The following FBXL7 variants were observed in gnomAD, a reference collection of about 807,000 sequenced individuals.
The protein encoded by FBXL7 is F-box/LRR-repeat protein 7.
A neutral mutation model predicts 38.3 loss-of-function variants in FBXL7; 12 were observed. The ratio of observed to expected loss-of-function variants is 0.31; its 90% confidence interval spans 0.20 to 0.51. The LOEUF is 0.51. FBXL7 is among the 20% of genes least tolerant of loss of function. FBXL7 has a pLI of 0.98. For missense variants in FBXL7, 567 were observed against 676.4 expected, an observed-to-expected ratio of 0.84 and a Z score of 1.79; for synonymous variants, 297 against 300.9, an observed-to-expected ratio of 0.99 and a Z score of 0.13.
intron 2 of FBXL7, among the ~76,000 whole-genome samples, chr5:15,787,547 A>G (rs1287090540): frequency 1.3e-5 from 2 of 152,200 alleles, no homozygotes; most frequent in African/African-American, 4.8e-5. Flanking sequence ...ACAAAGTCTA[A>G]TATCACAAGA....
intron 2 of FBXL7, among the ~76,000 whole-genome samples, chr5:15,852,565 T>C (rs554605116): frequency 7.9e-5 from 12 of 152,114 alleles, no homozygotes; most frequent in Non-Finnish European, 1.3e-4. Flanking sequence ...AAAACTATAA[T>C]AGAATACCGT....
intron 1 of FBXL7, among the ~76,000 whole-genome samples, chr5:15,517,082 A>C (rs1369429763): frequency 6.6e-6 from 1 of 151,596 alleles, no homozygotes; most frequent in East Asian, 2.0e-4. Context: ...GCTGGAGTGC[A>C]GTGGCGGGAT....
chr5:15,824,828 T>G (rs1381009398), intron 2 of FBXL7, among the ~76,000 whole-genome samples: 1 of 152,178 alleles, frequency 6.6e-6, no homozygotes, highest in East Asian at 1.9e-4. Flanking sequence ...TGAAAGCTGT[T>G]TCCTGAATCA....
At chr5:15,694,792 A>G (rs192263113) in intron 2 of FBXL7, among the ~76,000 whole-genome samples, 45 of 152,298 alleles carry the variant, frequency 3.0e-4, no homozygotes, top group Admixed American at 7.8e-4. Context: ...GAGTGGAAAA[A>G]AACAAAAAGC....
intron 2 of FBXL7, among the ~76,000 whole-genome samples, chr5:15,737,242 T>G (rs554403197): frequency 1.3e-5 from 2 of 152,196 alleles, no homozygotes; most frequent in African/African-American, 4.8e-5. Flanking sequence ...CTGTTACAGC[T>G]AATGGTTTCC....
rs199980981 is a variant in FBXL7 at position 15,641,941 on chromosome 5, TTGTGTGTGTGTGTGTGTGTGTGTG to T, written c.127+25891_127+25914del. Among the ~76,000 whole-genome samples the T allele has an allele frequency of 7.1e-5, 10 of 141,616 alleles. No individual in the cohort carries two copies. The East Asian group carries it at 1.0e-3, about 15-fold the overall frequency. The allele number at this position is 141,616 out of a possible 152,430, so 92.9% of individuals were successfully genotyped here. On this transcript the variant is annotated intron_variant, in intron 2 of 3. Coordinates refer to ENST00000504595, the MANE Select transcript of FBXL7 (RefSeq NM_012304.5). ...GTATATGGTAACTTAACATAAAACC[TTGTGTGTGTGTGTGTGTGTGTGTG>T]TGTGTGTGTGTGTGTGTGTGTCCTA...
At chr5:15,503,537 A>G (rs1477953218) in intron 1 of FBXL7, among the ~76,000 whole-genome samples, 2 of 152,236 alleles carry the variant, frequency 1.3e-5, no homozygotes, top group African/African-American at 4.8e-5. Flanking sequence ...AAATAAGGCA[A>G]ACGCCAGCCT....
chr5:15,638,462 C>G (rs568544384), intron 2 of FBXL7, among the ~76,000 whole-genome samples: 1 of 152,312 alleles, frequency 6.6e-6, no homozygotes, highest in East Asian at 1.9e-4. Flanking sequence ...CTAGGCCTGT[C>G]TAATGAGAAT....
intron 1 of FBXL7, among the ~76,000 whole-genome samples, chr5:15,594,337 G>C (rs1466734141): frequency 1.3e-5 from 2 of 152,248 alleles, no homozygotes; most frequent in African/African-American, 4.8e-5. Context: ...AAAGAAAACA[G>C]TTGAAAAGGT....
At chr5:15,888,955 G>T (rs373112409) in intron 2 of FBXL7, among the ~76,000 whole-genome samples, 4 of 152,270 alleles carry the variant, frequency 2.6e-5, no homozygotes, top group East Asian at 1.9e-4. Context: ...AAGTAGAGCT[G>T]TATTATCCTT....
chr5:15,869,867 T>G (rs1188897959), intron 2 of FBXL7, among the ~76,000 whole-genome samples: 8 of 152,116 alleles, frequency 5.3e-5, no homozygotes. Context: ...CCCAATACTT[T>G]GGGAGGCTGA....
intron 1 of FBXL7, among the ~76,000 whole-genome samples, chr5:15,526,521 G>T (rs956972796): frequency 2.0e-5 from 3 of 152,158 alleles, no homozygotes; most frequent in African/African-American, 7.2e-5. Flanking sequence ...CATTTAATCA[G>T]TGTAAAACAG....
intron 1 of FBXL7, among the ~76,000 whole-genome samples, chr5:15,548,550 G>T (rs75837824): frequency 6.6e-6 from 1 of 152,216 alleles, no homozygotes; most frequent in East Asian, 1.9e-4. Context: ...ATAAAATGGG[G>T]ACAAAAATGG....
At chr5:15,566,186 G>A (rs1366651) in intron 1 of FBXL7, among the ~76,000 whole-genome samples, 76,565 of 151,850 alleles carry the variant, frequency 0.5, 19,741 homozygotes, top group African/African-American at 0.59. Context: ...ACACTTTTAG[G>A]TTTTAGAGAG....
At chr5:15,893,089 C>T (rs533173653) in intron 2 of FBXL7, among the ~76,000 whole-genome samples, 6 of 149,792 alleles carry the variant, frequency 4.0e-5, no homozygotes, top group African/African-American at 1.5e-4. Flanking sequence ...GCACTCCAGC[C>T]TGGGTGACAG....
intron 1 of FBXL7, among the ~76,000 whole-genome samples, chr5:15,573,073 A>G (rs1233073802): frequency 6.6e-6 from 1 of 152,178 alleles, no homozygotes; most frequent in Non-Finnish European, 1.5e-5. Flanking sequence ...CCTTCCCCCA[A>G]AATTGTGTCC....
intron 1 of FBXL7, among the ~76,000 whole-genome samples, chr5:15,561,169 T>G (rs1580371713): frequency 6.6e-6 from 1 of 152,196 alleles, no homozygotes. Context: ...TGTGGTTAGA[T>G]CTCTAGACTT....
At chr5:15,814,485 T>C (rs896386816) in intron 2 of FBXL7, among the ~76,000 whole-genome samples, 19 of 152,024 alleles carry the variant, frequency 1.2e-4, no homozygotes, top group Admixed American at 9.8e-4. Flanking sequence ...AAAATATGGG[T>C]CGATGGGTGC....
At chr5:15,592,597 C>T (rs1189585637) in intron 1 of FBXL7, among the ~76,000 whole-genome samples, 4 of 152,128 alleles carry the variant, frequency 2.6e-5, no homozygotes, top group Non-Finnish European at 5.9e-5. Context: ...CTGACAGCCT[C>T]ATGGAAATGT....
Sources: gnomAD v4.1 joint callset for allele counts (sites outside exome capture counted in the v4.1 genomes callset) on GRCh38, gnomAD v4.1.1 for gene constraint, MANE v1.5 for transcripts, NCBI Gene and HGNC (gene_info 2026-07-23, HGNC 2026-07-21) for gene names.